SDK1: variants seen among roughly 807,000 people sequenced by gnomAD.
The protein encoded by SDK1 is protein sidekick-1.
In SDK1, 157 loss-of-function variants were observed where a neutral mutation model predicts 245.5. The observed-to-expected ratio is 0.64, with a 90% CI of 0.56 to 0.73. The LOEUF is 0.73. Ranked by LOEUF, SDK1 falls within the 30% of genes least tolerant of loss-of-function variation. SDK1 has a pLI of 0.00. For synonymous variants in SDK1, 1,647 were observed against 1,278.5 expected (o/e 1.29, Z -6.15); for missense variants, 3,583 against 3,002.3 (o/e 1.19, Z -4.52).
chr7:3,898,189 T>C (rs17134018), intron 5 of SDK1, among the ~76,000 whole-genome samples: 3,539 of 152,244 alleles, frequency 0.023, 145 homozygotes, highest in African/African-American at 0.08. Context: ...AATTACTCAG[T>C]GACAGAGGTT....
rs1782291583 is a variant in SDK1 at position 3,969,113 on chromosome 7, C to T, written c.1547-144C>T. ...AGTCACCTCCCACCAGATTCCTCCC[C>T]CGACGTGGGGATTGCAATTCGAGAC... On this transcript the variant is annotated intron_variant, in intron 10 of 44. Transcript: ENST00000404826. 4 of 698,810 alleles carry T rather than the reference C, an allele frequency of 5.7e-6. No individual in the cohort carries two copies. The South Asian group carries it at 1.0e-4, about 18-fold the overall frequency. 43.3% of individuals were successfully genotyped at this position (698,810 alleles called of 1,614,324 possible). A position where few individuals can be genotyped will look rare whatever the true frequency, so the allele number is the denominator to read the frequency against.
At chr7:3,643,368 C>T (rs1782713822) in intron 4 of SDK1, 1 of 147,488 alleles carries the variant, frequency 6.8e-6, no homozygotes, top group African/African-American at 2.5e-5. Flanking sequence ...ATTCTCGTCT[C>T]CCACCCCCAC....
rs760072083 is a variant in SDK1 at position 4,114,151 on chromosome 7, G to A, written c.3700G>A (p.Glu1234Lys). Residue 1234 changes from glutamate to lysine, a missense_variant, in exon 25 of 45, where the codon GAG becomes AAG. Physicochemically the swap from Glu to Lys is moderately conservative, Grantham distance 56 (BLOSUM62 1). Coordinates refer to ENST00000404826, the MANE Select transcript of SDK1 (RefSeq NM_152744.4). Reference sequence around the variant, plus strand: ...GGCCCAAGTCGTCAGTGACCGGCTGGAGAGAGAATTCACCATCGAGGAGCT... The same window carrying A: ...GGCCCAAGTCGTCAGTGACCGGCTGAAGAGAGAATTCACCATCGAGGAGCT... ...AVAQVVSDRL[E>K]REFTIEELEE... 1.9e-6 allele frequency: 3 copies of A among 1,614,114 alleles called. No individual in the cohort carries two copies. The South Asian group carries it at 3.3e-5, about 18-fold the overall frequency.
At chr7:3,526,724 GTTCTGT>G (rs1297787915) in intron 1 of SDK1, among the ~76,000 whole-genome samples, 1 of 152,074 alleles carries the variant, frequency 6.6e-6, no homozygotes, top group Non-Finnish European at 1.5e-5. Context: ...TTGTGTATCT[GTTCTGT>G]TTCTTTTTCT....
intron 1 of SDK1, among the ~76,000 whole-genome samples, chr7:3,505,097 G>A (rs1225431728): frequency 6.6e-6 from 1 of 152,044 alleles, no homozygotes; most frequent in Non-Finnish European, 1.5e-5. Flanking sequence ...AAAAAATATA[G>A]CTTGTACATA....
intron 5 of SDK1, among the ~76,000 whole-genome samples, chr7:3,934,820 G>A (rs1780099886): frequency 6.6e-6 from 1 of 152,226 alleles, no homozygotes; most frequent in African/African-American, 2.4e-5. Flanking sequence ...CCCAGAAAGT[G>A]TGAGTAGAGG....
intron 1 of SDK1, among the ~76,000 whole-genome samples, chr7:3,561,637 C>T (rs1779755726): frequency 6.6e-6 from 1 of 152,124 alleles, no homozygotes; most frequent in Non-Finnish European, 1.5e-5. Context: ...GACTGGTTCC[C>T]TCAATTTTAA....
At chr7:3,988,832 C>T (rs1388912778) in intron 14 of SDK1, among the ~76,000 whole-genome samples, 1 of 152,176 alleles carries the variant, frequency 6.6e-6, no homozygotes, top group African/African-American at 2.4e-5. Context: ...AGTGCAGTGG[C>T]ATGATCTCGG....
At chr7:3,473,032 G>A (rs902582025) in intron 1 of SDK1, among the ~76,000 whole-genome samples, 4 of 151,908 alleles carry the variant, frequency 2.6e-5, no homozygotes, top group Admixed American at 6.6e-5. Flanking sequence ...CTCTTCTTCC[G>A]CCATCATCAT....
intron 5 of SDK1, among the ~76,000 whole-genome samples, chr7:3,829,713 G>A (rs1176539123): frequency 6.6e-6 from 1 of 152,184 alleles, no homozygotes; most frequent in Non-Finnish European, 1.5e-5. Context: ...AAGGCTCTCT[G>A]CGAAGAGCTC....
At chr7:3,680,430 ACTG>A (rs1050432150) in intron 4 of SDK1, among the ~76,000 whole-genome samples, 1 of 152,130 alleles carries the variant, frequency 6.6e-6, no homozygotes, top group African/African-American at 2.4e-5. Flanking sequence ...ACGTGATAAA[ACTG>A]CATAAAACTA....
chr7:4,057,059 G>C (rs1356289220), intron 19 of SDK1, among the ~76,000 whole-genome samples: 1 of 152,122 alleles, frequency 6.6e-6, no homozygotes, highest in Non-Finnish European at 1.5e-5. Context: ...TCGCTTCCAG[G>C]CACCCTGAGG....
intron 1 of SDK1, among the ~76,000 whole-genome samples, chr7:3,577,591 AT>A (rs1285581696): frequency 6.6e-6 from 1 of 151,996 alleles, no homozygotes; most frequent in Non-Finnish European, 1.5e-5. Flanking sequence ...GGTAATCCTC[AT>A]GGAACTCACT....
At chr7:3,390,853 A>G (rs1013550486) in intron 1 of SDK1, among the ~76,000 whole-genome samples, 1 of 152,184 alleles carries the variant, frequency 6.6e-6, no homozygotes, top group Non-Finnish European at 1.5e-5. Flanking sequence ...GTTTTAGGAC[A>G]TTCAGTTTGT....
chr7:4,093,228 A>G (rs746454760), intron 22 of SDK1, among the ~76,000 whole-genome samples: 3 of 152,114 alleles, frequency 2.0e-5, no homozygotes, highest in Admixed American at 1.3e-4. Context: ...TTTATGGTGC[A>G]CCATAAAAGG....
At chr7:3,429,778 A>G (rs1370785458) in intron 1 of SDK1, among the ~76,000 whole-genome samples, 1 of 148,650 alleles carries the variant, frequency 6.7e-6, no homozygotes, top group Non-Finnish European at 1.5e-5. Context: ...TTTTTTGTAG[A>G]GACAGGTCTC....
chr7:3,435,523 T>G (rs189794856), intron 1 of SDK1, among the ~76,000 whole-genome samples: 4,196 of 147,788 alleles, frequency 0.028, 71 homozygotes, highest in African/African-American at 0.046. Flanking sequence ...TTATGATTAT[T>G]ATTATTATTA....
chr7:3,471,348 G>A (rs917033833), intron 1 of SDK1, among the ~76,000 whole-genome samples: 3 of 152,160 alleles, frequency 2.0e-5, no homozygotes, highest in East Asian at 3.8e-4. Context: ...GTGATTGTCA[G>A]TAAGTGGTAT....
chr7:3,927,791 C>T (rs753606294), intron 5 of SDK1, among the ~76,000 whole-genome samples: 12 of 152,212 alleles, frequency 7.9e-5, no homozygotes, highest in Admixed American at 2.0e-4. Flanking sequence ...TATACTTCTC[C>T]GCAGGAACCT....
Sources: gnomAD v4.1 joint callset for allele counts (sites outside exome capture counted in the v4.1 genomes callset) on GRCh38, gnomAD v4.1.1 for gene constraint, MANE v1.5 for transcripts, NCBI Gene and HGNC (gene_info 2026-07-23, HGNC 2026-07-21) for gene names.